Variants in COL15A1 observed in about 807,000 individuals in gnomAD.
The protein encoded by COL15A1 is collagen alpha-1(XV) chain.
In COL15A1, 111 loss-of-function variants were observed where a neutral mutation model predicts 165.9. The observed-to-expected ratio is 0.67, with a 90% CI of 0.57 to 0.78. The LOEUF is 0.78. COL15A1 is among the 30% of genes least tolerant of loss of function. The probability of loss-of-function intolerance (pLI) is 0.00; values close to 1 mark genes in which losing one functional copy is unlikely to be tolerated. For synonymous variants in COL15A1, 659 were observed against 674.8 expected (o/e 0.98, Z 0.36); for missense variants, 1,745 against 1,789.7 (o/e 0.98, Z 0.45).
intron 32 of COL15A1, 42 bp from the exon 33 acceptor site, chr9:99,055,060 T>A: frequency 1.3e-6 from 2 of 1,543,298 alleles, no homozygotes; most frequent in Non-Finnish European, 1.8e-6. Flanking sequence ...TTAAAATTTC[T>A]GAAATTACAA....
chr9:99,038,709 C>T lies in COL15A1; in HGVS notation c.2451C>T (p.Asp817=), dbSNP rs1839348264. The T allele has an allele frequency of 6.2e-7, 1 of 1,610,664 alleles. No individual in the cohort carries two copies. The highest frequency in any genetic ancestry group is 8.5e-7 in the Non-Finnish European group (1 of 1,176,844). The change falls in exon 22 of 42, where the codon GAC becomes GAT. Residue 817 remains aspartate (D), a synonymous_variant. Transcript: ENST00000375001. ...NITHGFMNFS[D]IPELVGPPGP... ...CCCATGGATTCATGAATTTCTCGGA[C>T]ATTCCTGAGCTGGTGGGGCCTCCGG... is the stretch of plus-strand genomic sequence containing the variant.
At chr9:99,038,762 G>A in intron 22 of COL15A1, 29 bp downstream of exon 22, 1 of 1,458,790 alleles carries the variant, frequency 6.9e-7, no homozygotes, top group South Asian at 1.1e-5. Context: ...CCCAGAATGT[G>A]GCTTTTACCC....
rs376312110 is a variant in COL15A1, at chr9:99,008,128, T to C, written c.1353+3078T>C. ...TTGCCATATAGGCTCCTCTTTTTTT[T>C]TAATTGACTTTGCTGGAGCTTTATT... On this transcript the variant is annotated intron_variant, in intron 9 of 41. Coordinates refer to ENST00000375001, the MANE Select transcript of COL15A1 (RefSeq NM_001855.5). Among the ~76,000 whole-genome samples the C allele has an allele frequency of 5.9e-5, 9 of 152,324 alleles. No individual in the cohort carries two copies. The East Asian group carries it at 1.7e-3, about 29-fold the overall frequency.
intron 16 of COL15A1, among the ~76,000 whole-genome samples, chr9:99,029,397 C>A (rs1564068529): frequency 6.6e-6 from 1 of 152,220 alleles, no homozygotes; most frequent in South Asian, 2.1e-4. Flanking sequence ...ATTAGATCAT[C>A]ATCACCTTCC....
At chr9:99,020,932 G>T (rs1443885261) in intron 12 of COL15A1, among the ~76,000 whole-genome samples, 4 of 152,258 alleles carry the variant, frequency 2.6e-5, no homozygotes, top group African/African-American at 7.2e-5. Context: ...TAAAATGGAG[G>T]TGGTGATGAT....
At chr9:99,000,737 G>T in intron 6 of COL15A1, 102 bp from the exon 7 acceptor site, 1 of 711,906 alleles carries the variant, frequency 1.4e-6, no homozygotes, top group South Asian at 1.6e-5. Flanking sequence ...CCTGTGTCAT[G>T]GTATCTGAAC....
At chr9:98,976,835 C>T (rs1838148537) in intron 2 of COL15A1, among the ~76,000 whole-genome samples, 1 of 152,114 alleles carries the variant, frequency 6.6e-6, no homozygotes, top group Non-Finnish European at 1.5e-5. Flanking sequence ...TACATAGAGT[C>T]AGGGCCAAGT....
intron 26 of COL15A1, among the ~76,000 whole-genome samples, chr9:99,046,232 G>C (rs906692303): frequency 6.6e-6 from 1 of 152,208 alleles, no homozygotes; most frequent in Admixed American, 6.5e-5. Context: ...TGCTGTGTGG[G>C]CTAGCTGTGG....
chr9:98,984,122 A>G (rs1838271726), intron 2 of COL15A1, among the ~76,000 whole-genome samples: 1 of 151,936 alleles, frequency 6.6e-6, no homozygotes, highest in African/African-American at 2.4e-5. Flanking sequence ...TCTGATCCTC[A>G]CTCATTCCAG....
At position 98,943,993 on chromosome 9, in the gene COL15A1, G is replaced by C; in HGVS notation, c.-69G>C. Reference sequence around the variant, plus strand: ...GGCGGCCAGCGCTCAGCGACCCTTCGTCCTCCGCTAAGCTCCAACGCTCTG... The same window carrying C: ...GGCGGCCAGCGCTCAGCGACCCTTCCTCCTCCGCTAAGCTCCAACGCTCTG... On this transcript the variant is annotated 5_prime_UTR_variant, in exon 1 of 42. Transcript: ENST00000375001. 1 of 1,599,672 alleles carries C rather than the reference G, an allele frequency of 6.3e-7. No homozygotes were observed. Among genetic ancestry groups the C allele is most frequent in the South Asian group, 1.1e-5 (1 of 89,936 alleles).
At chr9:99,036,117 A>G in intron 19 of COL15A1, 53 bp from the exon 20 acceptor site, 2 of 1,413,074 alleles carry the variant, frequency 1.4e-6, no homozygotes, top group Non-Finnish European at 2.0e-6. Context: ...AAGAGGCTAG[A>G]TGGAGGTGAG....
chr9:98,977,169 C>G (rs1020153123), intron 2 of COL15A1, among the ~76,000 whole-genome samples: 1 of 152,220 alleles, frequency 6.6e-6, no homozygotes, highest in Non-Finnish European at 1.5e-5. Context: ...CAACTGTCCT[C>G]TGAGAGAAGT....
intron 19 of COL15A1, 80 bp downstream of exon 19, chr9:99,035,498 G>A: frequency 1.3e-6 from 2 of 1,574,362 alleles, no homozygotes; most frequent in Non-Finnish European, 8.7e-7. Flanking sequence ...CTGCATCCCG[G>A]CTCTGCCACT....
intron 6 of COL15A1, among the ~76,000 whole-genome samples, chr9:98,999,542 T>C (rs1187433296): frequency 2.0e-5 from 3 of 150,848 alleles, no homozygotes; most frequent in Non-Finnish European, 4.4e-5. Flanking sequence ...TTTTTTTTTT[T>C]AGACAGGGTC....
intron 2 of COL15A1, among the ~76,000 whole-genome samples, chr9:98,949,599 A>G (rs1298895801): frequency 6.6e-6 from 1 of 152,190 alleles, no homozygotes; most frequent in Admixed American, 6.5e-5. Context: ...ATCTTACTGT[A>G]GCCTTAATTT....
At chr9:99,025,035 T>C (rs374003246) in intron 15 of COL15A1, 36 bp downstream of exon 15, 52 of 1,601,454 alleles carry the variant, frequency 3.2e-5, no homozygotes, top group Non-Finnish European at 4.3e-5. Context: ...TCTCTGTGGC[T>C]GTGGGGCTTC....
At chr9:99,009,054 C>A (rs1838807050) in intron 9 of COL15A1, among the ~76,000 whole-genome samples, 1 of 152,232 alleles carries the variant, frequency 6.6e-6, no homozygotes, top group Admixed American at 6.5e-5. Context: ...AACTCCTGTT[C>A]TGCATGTTAT....
chr9:99,015,361 A>G lies in COL15A1; in HGVS notation c.1354-56A>G. ...CTTTCCACCCCCCAGCCTCACACCCACTGAACCAGGGGCATGGGCGAAGGG... is the reference window on the plus strand; with the variant it reads ...CTTTCCACCCCCCAGCCTCACACCCGCTGAACCAGGGGCATGGGCGAAGGG... On this transcript the variant is annotated intron_variant, in intron 9 of 41. Transcript: ENST00000375001. The G allele has an allele frequency of 2.3e-6, 3 of 1,313,212 alleles. No individual in the cohort carries two copies. In the South Asian group the frequency reaches 3.6e-5, roughly 16 times the overall value. 81.3% of individuals were successfully genotyped at this position (1,313,212 alleles called of 1,614,324 possible). A position where few individuals can be genotyped will look rare whatever the true frequency, so the allele number is the denominator to read the frequency against.
chr9:98,977,044 G>A (rs1410299999), intron 2 of COL15A1, among the ~76,000 whole-genome samples: 3 of 152,118 alleles, frequency 2.0e-5, no homozygotes. Context: ...CAATTGCATG[G>A]GAAATAGCAG....
Sources: allele counts gnomAD v4.1 joint callset (sites outside exome capture counted in the v4.1 genomes callset), GRCh38; gene constraint gnomAD v4.1.1; transcripts MANE v1.5; gene names NCBI Gene and HGNC (gene_info 2026-07-23, HGNC 2026-07-21).